The following LYPD6B variants were observed in gnomAD, a reference collection of about 807,000 sequenced individuals.
LYPD6B encodes the protein LY6/PLAUR domain containing 6B.
Under a neutral mutation model 22.8 loss-of-function variants are expected in LYPD6B, and 17 were observed. The ratio of observed to expected loss-of-function variants is 0.75; its 90% CI spans 0.51 to 1.12. The LOEUF (loss-of-function observed/expected upper bound fraction) is 1.12. Ranked by LOEUF, LYPD6B falls within the 50% of genes most tolerant of loss-of-function variation. The pLI is 0.00. For missense variants in LYPD6B, 221 were observed against 258.3 expected, an observed-to-expected ratio of 0.86 and a Z score of 0.99; for synonymous variants, 106 against 91.6, an observed-to-expected ratio of 1.16 and a Z score of -0.90.
intron 3 of LYPD6B, among the ~76,000 whole-genome samples, chr2:149,175,023 A>ATCTCTCTCTCTCTC (rs142556922): frequency 1.6e-5 from 2 of 125,838 alleles, no homozygotes; most frequent in African/African-American, 3.0e-5. Flanking sequence ...AATCTCTTTA[A>ATCTCTCTCTCTCTC]TCTCTCTCTC....
At chr2:149,162,888 A>T (rs990135775) in intron 3 of LYPD6B, among the ~76,000 whole-genome samples, 1 of 152,156 alleles carries the variant, frequency 6.6e-6, no homozygotes, top group African/African-American at 2.4e-5. Context: ...CTACTCCACA[A>T]GAAGTTATAT....
chr2:149,068,854 G>A (rs560905332), intron 1 of LYPD6B: 3 of 363,730 alleles, frequency 8.2e-6, no homozygotes, highest in South Asian at 2.6e-5. Flanking sequence ...CAGGTTTATC[G>A]CCTGCAGCCT....
intron 1 of LYPD6B, among the ~76,000 whole-genome samples, chr2:149,107,486 G>T (rs530961618): frequency 6.6e-6 from 1 of 152,152 alleles, no homozygotes; most frequent in Non-Finnish European, 1.5e-5. Context: ...GATAAGGGGG[G>T]ACTACTGCAT....
intron 2 of LYPD6B, among the ~76,000 whole-genome samples, chr2:149,131,813 AC>A (rs1222119126): frequency 6.6e-6 from 1 of 152,198 alleles, no homozygotes; most frequent in Non-Finnish European, 1.5e-5. Context: ...AGGACATCTG[AC>A]CAGCAAAGTC....
chr2:149,200,376 C>A (rs902866457), intron 3 of LYPD6B, among the ~76,000 whole-genome samples: 1 of 152,164 alleles, frequency 6.6e-6, no homozygotes, highest in Non-Finnish European at 1.5e-5. Flanking sequence ...TCTTTGGACA[C>A]CCTGCCAATT....
chr2:149,107,627 G>T (rs949088323), intron 1 of LYPD6B, among the ~76,000 whole-genome samples: 6 of 152,128 alleles, frequency 3.9e-5, no homozygotes, highest in African/African-American at 1.4e-4. Flanking sequence ...CCTCTTTGAT[G>T]CCTGGTTTAT....
intron 1 of LYPD6B, among the ~76,000 whole-genome samples, chr2:149,067,750 T>A (rs1684407397): frequency 6.6e-6 from 1 of 152,146 alleles, no homozygotes; most frequent in Non-Finnish European, 1.5e-5. Context: ...GGTATAATCA[T>A]TAATGTCTCA....
intron 5 of LYPD6B, among the ~76,000 whole-genome samples, chr2:149,210,108 A>T (rs17528703): frequency 6.6e-6 from 1 of 152,104 alleles, no homozygotes; most frequent in South Asian, 2.1e-4. Flanking sequence ...TTCATGGCTC[A>T]TGCTATTGTT....
At chr2:149,116,489 T>C (rs1256735030) in intron 1 of LYPD6B, among the ~76,000 whole-genome samples, 1 of 152,186 alleles carries the variant, frequency 6.6e-6, no homozygotes, top group Non-Finnish European at 1.5e-5. Context: ...GTGAGATATC[T>C]CCTAACCCTC....
intron 2 of LYPD6B, among the ~76,000 whole-genome samples, chr2:149,146,139 G>A (rs1051183462): frequency 6.6e-6 from 1 of 152,204 alleles, no homozygotes; most frequent in African/African-American, 2.4e-5. Flanking sequence ...CCCTCGCAGA[G>A]CTTACAGTGC....
At chr2:149,140,187 G>T (rs948111239) in intron 2 of LYPD6B, among the ~76,000 whole-genome samples, 2 of 152,200 alleles carry the variant, frequency 1.3e-5, no homozygotes, top group Non-Finnish European at 2.9e-5. Context: ...GACAGGCTGT[G>T]GTGGGAAAGG....
intron 2 of LYPD6B, among the ~76,000 whole-genome samples, chr2:149,155,465 C>T (rs1000415164): frequency 2.6e-5 from 4 of 152,200 alleles, no homozygotes; most frequent in African/African-American, 9.7e-5. Context: ...TGGAGAGAAC[C>T]AAGGGCCTTG....
intron 3 of LYPD6B, among the ~76,000 whole-genome samples, chr2:149,185,537 T>C (rs534075885): frequency 3.0e-4 from 46 of 152,278 alleles, no homozygotes; most frequent in Admixed American, 9.8e-4. Flanking sequence ...GGAAAAGGAA[T>C]TCCAATTGAT....
At chr2:149,170,669 T>C (rs1690756171) in intron 3 of LYPD6B, among the ~76,000 whole-genome samples, 1 of 152,216 alleles carries the variant, frequency 6.6e-6, no homozygotes, top group Non-Finnish European at 1.5e-5. Flanking sequence ...TTATGGTTTA[T>C]GGGAAAACCT....
chr2:149,210,309 T>A (rs1184812384), intron 5 of LYPD6B, among the ~76,000 whole-genome samples: 1 of 152,018 alleles, frequency 6.6e-6, no homozygotes, highest in African/African-American at 2.4e-5. Context: ...CAAGAAAACA[T>A]CAGAGATGGG....
chr2:149,140,136 A>G (rs919133059), intron 2 of LYPD6B, among the ~76,000 whole-genome samples: 1 of 152,174 alleles, frequency 6.6e-6, no homozygotes, highest in Non-Finnish European at 1.5e-5. Flanking sequence ...GACCATGTGC[A>G]TGTGGGAGGG....
At chr2:149,156,674 G>C (rs1405649405) in intron 2 of LYPD6B, among the ~76,000 whole-genome samples, 1 of 152,016 alleles carries the variant, frequency 6.6e-6, no homozygotes, top group East Asian at 1.9e-4. Context: ...TTGGATTAGG[G>C]CCTACCCATA....
At chr2:149,098,639 A>AG (rs796549905) in intron 1 of LYPD6B, among the ~76,000 whole-genome samples, 3,007 of 93,332 alleles carry the variant, frequency 0.032, 127 homozygotes, top group African/African-American at 0.12. Context: ...AAAAAAAAAA[A>AG]AAAAAAAAAA....
intron 6 of LYPD6B, 94 bp from the exon 7 acceptor site, chr2:149,214,448 CAGAT>C: frequency 7.8e-7 from 1 of 1,289,920 alleles, no homozygotes; most frequent in Non-Finnish European, 1.1e-6. Context: ...TGTCTGTCTT[CAGAT>C]AGAGCTCAAG....
Sources: gnomAD v4.1 joint callset for allele counts (sites outside exome capture counted in the v4.1 genomes callset) on GRCh38, gnomAD v4.1.1 for gene constraint, MANE v1.5 for transcripts, NCBI Gene and HGNC (gene_info 2026-07-23, HGNC 2026-07-21) for gene names.